LAMA1: variants seen among roughly 807,000 people sequenced by gnomAD.
LAMA1 encodes the protein laminin subunit alpha 1, also known as laminin subunit alpha-1.
In LAMA1, 219 loss-of-function variants were observed where a neutral mutation model predicts 348.7. The ratio of observed to expected loss-of-function variants is 0.63; its 90% confidence interval spans 0.56 to 0.70. The LOEUF is 0.70. Among genes scored for constraint, LAMA1 ranks in the 30% least tolerant of loss-of-function variants. The pLI, the probability that LAMA1 is intolerant of heterozygous loss-of-function variation, is 0.00. For missense variants in LAMA1, 3,744 were observed against 3,888.0 expected (o/e 0.96, Z 0.99); for synonymous variants, 1,487 against 1,491.0 (o/e 1.00, Z 0.06).
intron 12 of LAMA1, 115 bp from the exon 13 acceptor site, chr18:7,036,203 C>T (rs899470668): frequency 4.0e-6 from 3 of 746,484 alleles, no homozygotes; most frequent in Admixed American, 3.9e-5. Flanking sequence ...CAACTATCCC[C>T]TTGACCATGA....
chr18:6,945,491 C>G (rs571461935), intron 61 of LAMA1, among the ~76,000 whole-genome samples: 1 of 152,248 alleles, frequency 6.6e-6, no homozygotes, highest in Non-Finnish European at 1.5e-5. Context: ...AACATGGAGA[C>G]TTTTTCCTTG....
At chr18:6,945,851 C>T (rs1331749084) in intron 61 of LAMA1, among the ~76,000 whole-genome samples, 1 of 152,098 alleles carries the variant, frequency 6.6e-6, no homozygotes, top group Non-Finnish European at 1.5e-5. Context: ...CTGAAGACCA[C>T]GATATGGCTA....
At chr18:6,977,635 G>A (rs1600365601) in intron 44 of LAMA1, 92 bp downstream of exon 44, 9 of 1,456,314 alleles carry the variant, frequency 6.2e-6, no homozygotes, top group East Asian at 4.6e-5. Flanking sequence ...CCTAAGGGGC[G>A]CAGTGTGACT....
At position 7,046,355 on chromosome 18, in the gene LAMA1, T is replaced by A. The variant is rs370249044; in HGVS notation, c.781A>T (p.Ile261Leu). The part of the protein sequence containing the change: ...PIVTRRYYYS[I>L]KDISVGGMCI... ...ATGCCTCCAACAGAAATGTCCTTTA[T>A]TGAATAATAATACTAAGGAAAAAGA... Residue 261 changes from isoleucine (I) to leucine (L), a missense_variant, in exon 6 of 63, where the codon ATA (isoleucine) becomes TTA (leucine). Transcript: ENST00000389658. The A allele has an allele frequency of 6.3e-7, 1 of 1,598,650 alleles. No individual in the cohort carries two copies. Among genetic ancestry groups the A allele is most frequent in the East Asian group, 2.2e-5 (1 of 44,650 alleles).
chr18:7,036,606 C>T (rs1035394748), intron 12 of LAMA1, among the ~76,000 whole-genome samples: 2 of 151,918 alleles, frequency 1.3e-5, no homozygotes, highest in Non-Finnish European at 2.9e-5. Flanking sequence ...TTGTTCAGAA[C>T]CCAACTTTGC....
chr18:7,017,434 TATC>T, intron 19 of LAMA1, 50 bp from the exon 20 acceptor site: 2 of 1,312,344 alleles, frequency 1.5e-6, no homozygotes, highest in Non-Finnish European at 2.2e-6. Flanking sequence ...TGAGGATGGT[TATC>T]ATAAGATCCG....
At chr18:6,993,600 G>T (rs770467993) in intron 35 of LAMA1, 41 bp downstream of exon 35, 1 of 1,347,648 alleles carries the variant, frequency 7.4e-7, no homozygotes, top group Non-Finnish European at 1.1e-6. Flanking sequence ...CTTCTTACTA[G>T]ATAAGCACAG....
At chr18:7,111,115 TTC>T (rs2058334324) in intron 1 of LAMA1, among the ~76,000 whole-genome samples, 1 of 152,052 alleles carries the variant, frequency 6.6e-6, no homozygotes, top group African/African-American at 2.4e-5. Flanking sequence ...ATACAGGAGG[TTC>T]TCTGGCACAA....
At chr18:7,001,356 C>T (rs1397105108) in intron 30 of LAMA1, among the ~76,000 whole-genome samples, 1 of 152,124 alleles carries the variant, frequency 6.6e-6, no homozygotes, top group Non-Finnish European at 1.5e-5. Flanking sequence ...TGCAAAAACA[C>T]ATCCATCTTT....
rs770106458 is a variant in LAMA1 at position 6,943,370 on chromosome 18, C to A, written c.8877G>T (p.Arg2959Ser). 1 of 1,614,132 alleles carries A rather than the reference C, an allele frequency of 6.2e-7. No individual in the cohort carries two copies. The highest frequency in any genetic ancestry group is 8.5e-7 in the Non-Finnish European group (1 of 1,180,032). ...VLFHVNNGAG[R>S]ITAAYEPKTA... Reference sequence around the variant, plus strand: ...TTTTGGGCTCATATGCAGCTGTTATCCTGCCAGCACCATTGTTGACATGGA... The same window carrying A: ...TTTTGGGCTCATATGCAGCTGTTATACTGCCAGCACCATTGTTGACATGGA... The change falls in exon 62 of 63, where the codon AGG becomes AGT. Residue 2959 changes from arginine to serine, a missense_variant. Transcript: ENST00000389658.
chr18:7,038,503 G>GT (rs202010467), intron 11 of LAMA1: 4,186 of 418,006 alleles, frequency 0.01, 100 homozygotes, highest in African/African-American at 0.061. Flanking sequence ...AGCAGCAGGG[G>GT]CGGGCGGAGG....
intron 55 of LAMA1, chr18:6,957,098 C>G (rs1047390380): frequency 3.0e-5 from 11 of 363,446 alleles, no homozygotes; most frequent in African/African-American, 2.3e-4. Context: ...GTTTTTGTCT[C>G]TAGTTCCCAA....
Position 6,956,731 on chromosome 18 carries a change from G to A in LAMA1, c.7999C>T (p.Gln2667Ter). The change falls in exon 56 of 63, where the codon CAA (glutamine) becomes TAA (stop). Residue 2667 changes from glutamine to a stop codon, truncating the protein, a stop_gained. Transcript: ENST00000389658. LOFTEE classifies it high-confidence loss of function. The part of the protein sequence containing the change: ...LDFNSAVGHE[Q>*]VDLDTCWLSE... ...AGCCAGCAGGTGTCCAGGTCGACTT[G>A]CTCATGGCCAACTGCACTGTTGAAA... 6.2e-7 allele frequency: 1 copy of A among 1,614,196 alleles called. No homozygotes were observed. Among genetic ancestry groups the A allele is most frequent in the Non-Finnish European group, 8.5e-7 (1 of 1,180,050 alleles).
intron 44 of LAMA1, among the ~76,000 whole-genome samples, chr18:6,977,138 T>G (rs1269906722): frequency 6.6e-6 from 1 of 152,168 alleles, no homozygotes; most frequent in Admixed American, 6.5e-5. Flanking sequence ...AAAGGAAACT[T>G]TTTCCCTTAG....
chr18:7,083,785 T>C (rs1270228265), intron 1 of LAMA1, among the ~76,000 whole-genome samples: 3 of 151,974 alleles, frequency 2.0e-5, no homozygotes, highest in Non-Finnish European at 4.4e-5. Flanking sequence ...TGAAAGAAGG[T>C]TGGGGCCGGG....
chr18:7,072,095 A>G (rs538091980), intron 3 of LAMA1, among the ~76,000 whole-genome samples: 1 of 152,324 alleles, frequency 6.6e-6, no homozygotes, highest in South Asian at 2.1e-4. Context: ...CCATTTTTCT[A>G]TGATGATTCC....
intron 49 of LAMA1, chr18:6,965,943 A>G (rs961517489): frequency 1.7e-6 from 1 of 592,832 alleles, no homozygotes; most frequent in Non-Finnish European, 2.9e-6. Flanking sequence ...ATATTTTTCT[A>G]AAGGTTCTAC....
chr18:6,948,955 TG>T, intron 59 of LAMA1, 145 bp downstream of exon 59: 2 of 1,045,030 alleles, frequency 1.9e-6, no homozygotes, highest in Non-Finnish European at 2.8e-6. Flanking sequence ...ACACGATCTG[TG>T]GACATGCCTG....
At chr18:7,066,101 T>C (rs1290880850) in intron 3 of LAMA1, among the ~76,000 whole-genome samples, 1 of 152,106 alleles carries the variant, frequency 6.6e-6, no homozygotes, top group African/African-American at 2.4e-5. Context: ...TGGAAAAAGG[T>C]AGTGATAGGT....
Sources: gnomAD v4.1 joint callset for allele counts (sites outside exome capture counted in the v4.1 genomes callset) on GRCh38, gnomAD v4.1.1 for gene constraint, MANE v1.5 for transcripts, NCBI Gene and HGNC (gene_info 2026-07-23, HGNC 2026-07-21) for gene names.